Variants in MGAT4C observed in about 807,000 individuals in gnomAD.
The protein encoded by MGAT4C is alpha-1,3-mannosyl-glycoprotein 4-beta-N-acetylglucosaminyltransferase C.
MGAT4C carries 19 observed loss-of-function variants against 40.1 expected under a neutral mutation model. The observed-to-expected ratio is 0.47, with a 90% CI of 0.33 to 0.70. MGAT4C has a LOEUF of 0.70. Ranked by LOEUF, MGAT4C falls within the 30% of genes least tolerant of loss-of-function variation. MGAT4C has a pLI of 0.02. For missense variants in MGAT4C, 491 were observed against 563.2 expected (o/e 0.87, Z 1.30); for synonymous variants, 181 against 187.1 (o/e 0.97, Z 0.27).
At chr12:86,749,784 T>G (rs1951206441) in intron 1 of MGAT4C, among the ~76,000 whole-genome samples, 1 of 151,748 alleles carries the variant, frequency 6.6e-6, no homozygotes, top group African/African-American at 2.4e-5. Flanking sequence ...GAGGGAAGGC[T>G]TTTCTTCAGT....
intron 1 of MGAT4C, among the ~76,000 whole-genome samples, chr12:86,761,162 C>A (rs1422909353): frequency 6.6e-6 from 1 of 152,028 alleles, no homozygotes; most frequent in African/African-American, 2.4e-5. Context: ...TGGTTGGCCT[C>A]CATGGAATGA....
At chr12:86,238,748 T>C (rs1951654769) in intron 1 of MGAT4C, among the ~76,000 whole-genome samples, 2 of 152,036 alleles carry the variant, frequency 1.3e-5, no homozygotes, top group Non-Finnish European at 2.9e-5. Flanking sequence ...TGTGATTTAA[T>C]GAAAAGGCCA....
chr12:86,298,299 T>C (rs923372979), intron 4 of MGAT4C, among the ~76,000 whole-genome samples: 5 of 152,162 alleles, frequency 3.3e-5, no homozygotes, highest in African/African-American at 1.2e-4. Context: ...AAATGTATTA[T>C]TTTTCATGTT....
chr12:86,793,732 CTTAT>C (rs1490769763), intron 1 of MGAT4C, among the ~76,000 whole-genome samples: 8 of 151,914 alleles, frequency 5.3e-5, no homozygotes, highest in Non-Finnish European at 8.8e-5. Context: ...ATTAAATTTA[CTTAT>C]TTATTGTTCA....
rs1465951411 is a variant in MGAT4C, at chr12:85,971,324, T to C, written c.*7965A>G. ...TGTAGCTTTATCTACATTACCTTGG[T>C]TTGGACAACTGAAAAATTTGCTAGG... On this transcript the variant is annotated 3_prime_UTR_variant, in exon 5 of 5. Transcript: ENST00000611864. 1 of 151,174 alleles carries C rather than the reference T, an allele frequency of 6.6e-6. No individual in the cohort carries two copies. Among genetic ancestry groups the C allele is most frequent in the Non-Finnish European group, 1.5e-5 (1 of 67,348 alleles). The allele number at this position is 151,174 out of a possible 1,614,324, so 9.4% of individuals were successfully genotyped here.
chr12:86,224,535 T>TA (rs1454478019), intron 1 of MGAT4C, among the ~76,000 whole-genome samples: 1 of 152,092 alleles, frequency 6.6e-6, no homozygotes, highest in Non-Finnish European at 1.5e-5. Flanking sequence ...TTATTCAGAG[T>TA]AAACCATATG....
At chr12:86,051,816 A>G (rs1405412529) in intron 1 of MGAT4C, among the ~76,000 whole-genome samples, 1 of 151,258 alleles carries the variant, frequency 6.6e-6, no homozygotes, top group African/African-American at 2.4e-5. Flanking sequence ...TTGATTTTGG[A>G]TCCATTTTTG....
chr12:86,753,556 G>T (rs192679096), intron 1 of MGAT4C, among the ~76,000 whole-genome samples: 36 of 152,016 alleles, frequency 2.4e-4, no homozygotes, highest in Admixed American at 1.4e-3. Flanking sequence ...GCACCACTGG[G>T]TTAGGGTCAC....
intron 2 of MGAT4C, among the ~76,000 whole-genome samples, chr12:86,016,991 T>C (rs1343799677): frequency 6.6e-6 from 1 of 152,186 alleles, no homozygotes; most frequent in African/African-American, 2.4e-5. Context: ...CAAAAGTTGT[T>C]GTTCACTTTT....
At chr12:86,176,982 T>A (rs560014926) in intron 1 of MGAT4C, among the ~76,000 whole-genome samples, 26 of 151,580 alleles carry the variant, frequency 1.7e-4, no homozygotes, top group African/African-American at 6.3e-4. Flanking sequence ...CTCAAAGAGA[T>A]AAAAGTAAAC....
intron 1 of MGAT4C, among the ~76,000 whole-genome samples, chr12:86,187,893 T>C (rs1395792060): frequency 6.6e-6 from 1 of 152,030 alleles, no homozygotes; most frequent in African/African-American, 2.4e-5. Context: ...ATTCTTGAAT[T>C]AGGAGGAAAT....
intron 2 of MGAT4C, among the ~76,000 whole-genome samples, chr12:86,650,947 T>A (rs971104618): frequency 1.3e-5 from 2 of 151,890 alleles, no homozygotes; most frequent in African/African-American, 4.8e-5. Flanking sequence ...GAGCTGATTA[T>A]GTGCAGTTCC....
At chr12:86,810,420 T>C (rs1208776094) in intron 1 of MGAT4C, among the ~76,000 whole-genome samples, 1 of 151,954 alleles carries the variant, frequency 6.6e-6, no homozygotes, top group Non-Finnish European at 1.5e-5. Context: ...CAATCTCATA[T>C]AGGAGAGCAT....
intron 2 of MGAT4C, among the ~76,000 whole-genome samples, chr12:86,555,733 C>T (rs1404180084): frequency 1.3e-5 from 2 of 152,192 alleles, no homozygotes; most frequent in African/African-American, 2.4e-5. Flanking sequence ...GCAGAGCGCC[C>T]TTTTGACCCC....
chr12:86,282,026 A>T (rs1319270687), intron 4 of MGAT4C, among the ~76,000 whole-genome samples: 2 of 152,116 alleles, frequency 1.3e-5, no homozygotes, highest in Non-Finnish European at 2.9e-5. Context: ...TTATATTTCA[A>T]TTATAGCATT....
intron 3 of MGAT4C, among the ~76,000 whole-genome samples, chr12:86,356,206 A>G (rs1344613150): frequency 6.6e-6 from 1 of 152,214 alleles, no homozygotes; most frequent in African/African-American, 2.4e-5. Context: ...AAAAGTATCA[A>G]TACAGTAACA....
chr12:86,721,772 C>T lies in MGAT4C; in HGVS notation c.-229+5437G>A, dbSNP rs1232637518. Among the ~76,000 whole-genome samples, 5 of 152,168 alleles carry T rather than the reference C, an allele frequency of 3.3e-5. No homozygotes were observed. In the South Asian group the frequency reaches 1.0e-3, roughly 32 times the overall value. On this transcript the variant is annotated intron_variant, in intron 2 of 7. Coordinates refer to the MGAT4C transcript ENST00000548651. Reference sequence around the variant, plus strand: ...TATAACGTAAGATTGAACAAAAAAACACACGCAGTTTGCCAGAGGGTCCAA... The same window carrying T: ...TATAACGTAAGATTGAACAAAAAAATACACGCAGTTTGCCAGAGGGTCCAA...
At position 85,960,944 on chromosome 12, in the gene MGAT4C, T is replaced by C. The variant is rs927234973; in HGVS notation, c.*18345A>G. On this transcript the variant is annotated 3_prime_UTR_variant, in exon 5 of 5. Coordinates refer to ENST00000611864, the MANE Select transcript of MGAT4C (RefSeq NM_001351288.2). ...CTTAAAATAAATCATTGTATTCACA[T>C]AACTTTCCAGGGCACTATGCATTTT... 1 of 152,014 alleles carries C rather than the reference T, an allele frequency of 6.6e-6. No homozygotes were observed. The highest frequency in any genetic ancestry group is 1.5e-5 in the Non-Finnish European group (1 of 67,876). 9.4% of individuals were successfully genotyped at this position (152,014 alleles called of 1,614,324 possible).
At chr12:86,435,537 C>CA (rs1263757042) in intron 2 of MGAT4C, among the ~76,000 whole-genome samples, 1 of 151,848 alleles carries the variant, frequency 6.6e-6, no homozygotes, top group Non-Finnish European at 1.5e-5. Flanking sequence ...AATTATAAAT[C>CA]AAGATGATAC....
Sources: allele counts gnomAD v4.1 joint callset (sites outside exome capture counted in the v4.1 genomes callset), GRCh38; gene constraint gnomAD v4.1.1; transcripts MANE v1.5; gene names NCBI Gene and HGNC (gene_info 2026-07-23, HGNC 2026-07-21).